LYPD1: variants seen among roughly 807,000 people sequenced by gnomAD.
LYPD1 encodes LY6/PLAUR domain containing 1, also known as ly6/PLAUR domain-containing protein 1.
A neutral mutation model predicts 14.2 loss-of-function variants in LYPD1; 14 were observed. The observed-to-expected ratio is 0.99, with a 90% CI of 0.65 to 1.54. The LOEUF (loss-of-function observed/expected upper bound fraction) is 1.54, where lower values mean the gene tolerates loss of function less well. LYPD1 is among the 40% of genes most tolerant of loss of function. LYPD1 has a pLI of 0.00. For missense variants in LYPD1, 165 were observed against 175.7 expected, an observed-to-expected ratio of 0.94 and a Z score of 0.34; for synonymous variants, 85 against 70.6, an observed-to-expected ratio of 1.20 and a Z score of -1.02.
chr2:132,666,897 G>A (rs1356762039), intron 2 of LYPD1: 5 of 152,136 alleles, frequency 3.3e-5, no homozygotes, highest in East Asian at 1.9e-4. Flanking sequence ...AGTTCTTAAC[G>A]TGTCCACGGC....
chr2:132,647,615 G>C (rs1682173225), intron 2 of LYPD1, among the ~76,000 whole-genome samples: 1 of 152,230 alleles, frequency 6.6e-6, no homozygotes, highest in African/African-American at 2.4e-5. Flanking sequence ...ACAGGCATGA[G>C]CCACTGCGCC....
At chr2:132,648,039 G>GAT in intron 2 of LYPD1, among the ~76,000 whole-genome samples, 2 of 152,312 alleles carry the variant, frequency 1.3e-5, no homozygotes, top group Admixed American at 1.3e-4. Context: ...GCTCTGGTAA[G>GAT]ATAAAGTCGA....
intron 2 of LYPD1, among the ~76,000 whole-genome samples, chr2:132,652,171 A>AT (rs1682384695): frequency 6.6e-6 from 1 of 152,068 alleles, no homozygotes; most frequent in African/African-American, 2.4e-5. Context: ...TCCCTGCATG[A>AT]TTTTTCTCTT....
In LYPD1 at chr2:132,643,956, G is replaced by T. The variant is rs955563793; in HGVS notation, c.*2089C>A. 6.6e-6 allele frequency among the ~76,000 whole-genome samples: 1 copy of T among 152,200 alleles called. No homozygotes were observed. The highest frequency in any genetic ancestry group is 2.4e-5 in the African/African-American group (1 of 41,446). On this transcript the variant is annotated 3_prime_UTR_variant, in exon 3 of 3. Transcript: ENST00000397463. Reference sequence around the variant, plus strand: ...GTTTCTTACTACGATTGAAATGTAGGAGAGGAAGGAAGCATTTCTGAAAAT... The same window carrying T: ...GTTTCTTACTACGATTGAAATGTAGTAGAGGAAGGAAGCATTTCTGAAAAT...
At chr2:132,668,271 T>G (rs1299648817) in intron 2 of LYPD1, 129 bp downstream of exon 2, 3 of 1,220,632 alleles carry the variant, frequency 2.5e-6, no homozygotes, top group African/African-American at 1.5e-5. Flanking sequence ...ACTGTAAAAC[T>G]AAATCTGCGA....
chr2:132,659,212 A>G (rs922837662), intron 2 of LYPD1, among the ~76,000 whole-genome samples: 3 of 152,208 alleles, frequency 2.0e-5, no homozygotes, highest in Admixed American at 1.3e-4. Context: ...TTTCTGCTAT[A>G]ATATTTTGAA....
At chr2:132,655,009 A>G (rs565008993) in intron 2 of LYPD1, among the ~76,000 whole-genome samples, 1 of 152,224 alleles carries the variant, frequency 6.6e-6, no homozygotes, top group Non-Finnish European at 1.5e-5. Context: ...TGGGATTACA[A>G]GCATGAGCCA....
chr2:132,643,702 T>A lies in LYPD1; in HGVS notation c.*2343A>T, dbSNP rs2104881989. Among the ~76,000 whole-genome samples, 1 of 152,306 alleles carries A rather than the reference T, an allele frequency of 6.6e-6. No individual in the cohort carries two copies. The highest frequency in any genetic ancestry group is 2.4e-5 in the African/African-American group (1 of 41,568). ...GCCTGGCTAAGTTTTTCTTTTTTTG[T>A]AGAGATGGGGTCTTGCTATGTTGCC... On this transcript the variant is annotated 3_prime_UTR_variant, in exon 3 of 3. Coordinates refer to ENST00000397463, the MANE Select transcript of LYPD1 (RefSeq NM_144586.7).
chr2:132,656,140 G>A (rs1682583417), intron 2 of LYPD1, among the ~76,000 whole-genome samples: 1 of 152,210 alleles, frequency 6.6e-6, no homozygotes. Flanking sequence ...GTTCTTTTCT[G>A]TGGACCATTA....
chr2:132,670,120 G>T lies in LYPD1; in HGVS notation c.-188C>A. On this transcript the variant is annotated 5_prime_UTR_variant, in exon 1 of 3. Coordinates refer to ENST00000397463, the MANE Select transcript of LYPD1 (RefSeq NM_144586.7). This position sits in a 1 kb window ranked among gnomAD's most constrained non-coding sequence, Gnocchi z 4.5. ...GCGGAGCCTGCATCGCCCGCGCTCG[G>T]GCTCCCGGCTGCGGGTCTCTGCTCC... The T allele has an allele frequency of 2.8e-6, 4 of 1,410,176 alleles. No individual in the cohort carries two copies. The highest frequency in any genetic ancestry group is 3.7e-6 in the Non-Finnish European group (4 of 1,093,462). The allele number at this position is 1,410,176 out of a possible 1,614,324, so 87.4% of individuals were successfully genotyped here.
chr2:132,656,427 A>G (rs953886731), intron 2 of LYPD1, among the ~76,000 whole-genome samples: 1 of 151,886 alleles, frequency 6.6e-6, no homozygotes, highest in African/African-American at 2.4e-5. Flanking sequence ...TTCCTCAAAG[A>G]AAAATGCTTG....
Position 132,670,113 on chromosome 2 carries a change from G to A in LYPD1, c.-181C>T. On this transcript the variant is annotated 5_prime_UTR_variant, in exon 1 of 3. Transcript: ENST00000397463. This position sits in a 1 kb window ranked among gnomAD's most constrained non-coding sequence, Gnocchi z 4.5. ...GCCGCTCGCGGAGCCTGCATCGCCCGCGCTCGGGCTCCCGGCTGCGGGTCT... is the reference window on the plus strand; with the variant it reads ...GCCGCTCGCGGAGCCTGCATCGCCCACGCTCGGGCTCCCGGCTGCGGGTCT... The A allele has an allele frequency of 1.4e-6, 2 of 1,421,258 alleles. No homozygotes were observed. Among genetic ancestry groups the A allele is most frequent in the South Asian group, 1.5e-5 (1 of 67,954 alleles). The allele number at this position is 1,421,258 out of a possible 1,614,324, so 88.0% of individuals were successfully genotyped here. A position where few individuals can be genotyped will look rare whatever the true frequency, so the allele number is the denominator to read the frequency against.
chr2:132,645,490 G>C lies in LYPD1; in HGVS notation c.*555C>G, dbSNP rs1306745973. On this transcript the variant is annotated 3_prime_UTR_variant, in exon 3 of 3. Transcript: ENST00000397463. Reference sequence around the variant, plus strand: ...GATTTTCTTAAGCACTTTTCAGAGCGAGGCCGAGCCCCAGTCTAAGTCCCA... The same window carrying C: ...GATTTTCTTAAGCACTTTTCAGAGCCAGGCCGAGCCCCAGTCTAAGTCCCA... The C allele has an allele frequency of 1.2e-6, 2 of 1,613,740 alleles. No individual in the cohort carries two copies. Among genetic ancestry groups the C allele is most frequent in the Non-Finnish European group, 1.7e-6 (2 of 1,180,046 alleles).
At chr2:132,648,990 CGA>C (rs1368594182) in intron 2 of LYPD1, among the ~76,000 whole-genome samples, 3 of 152,078 alleles carry the variant, frequency 2.0e-5, no homozygotes, top group East Asian at 3.9e-4. Context: ...GAAACTGGCA[CGA>C]GAGATGCTTT....
intron 2 of LYPD1, among the ~76,000 whole-genome samples, chr2:132,648,136 A>C (rs577524810): frequency 3.9e-5 from 6 of 152,176 alleles, no homozygotes; most frequent in African/African-American, 1.4e-4. Context: ...TAGTCTCTAC[A>C]TTTGCCATCC....
At chr2:132,649,865 T>C (rs560906668) in intron 2 of LYPD1, among the ~76,000 whole-genome samples, 9 of 151,796 alleles carry the variant, frequency 5.9e-5, no homozygotes, top group Non-Finnish European at 1.2e-4. Flanking sequence ...AAACGACACT[T>C]TGGAACCTTG....
rs1369680607 is a variant in LYPD1, at chr2:132,669,261, A to C, written c.52+620T>G. ...CCCCGGCTTTCAGGACAACCGTTCG[A>C]CTAGGGTCAGTGGTCGGGGTTCCAG... On this transcript the variant is annotated intron_variant, in intron 1 of 2. Transcript: ENST00000397463. This position sits in a 1 kb window ranked among gnomAD's most constrained non-coding sequence, Gnocchi z 4.3. Among the ~76,000 whole-genome samples the C allele has an allele frequency of 1.3e-5, 2 of 152,060 alleles. No individual in the cohort carries two copies. Among genetic ancestry groups the C allele is most frequent in the African/African-American group, 4.8e-5 (2 of 41,418 alleles).
Position 132,668,458 on chromosome 2 carries a change from C to A in LYPD1, c.132G>T (p.Val44=), listed in dbSNP as rs375505864. ...NNDCSSPEFI[V]NCTVNVQDMC... is the part of the protein sequence containing the mutation. ...TGTCTTGAACGTTCACCGTGCAATTCACAATGAACTCGGGGGAGGAGCAGT... is the reference window on the plus strand; with the variant it reads ...TGTCTTGAACGTTCACCGTGCAATTAACAATGAACTCGGGGGAGGAGCAGT... Residue 44 remains valine (V), a synonymous_variant, in exon 2 of 3, where the codon GTG becomes GTT. Coordinates refer to ENST00000397463, the MANE Select transcript of LYPD1 (RefSeq NM_144586.7). The A allele has an allele frequency of 5.0e-6, 8 of 1,610,970 alleles. No homozygotes were observed. The highest frequency in any genetic ancestry group is 6.8e-6 in the Non-Finnish European group (8 of 1,178,724).
chr2:132,646,382 C>CACAGCCCA, intron 2 of LYPD1, 102 bp from the exon 3 acceptor site: 1 of 706,058 alleles, frequency 1.4e-6, no homozygotes, highest in Admixed American at 4.1e-5. Flanking sequence ...TTACTCCTCC[C>CACAGCCCA]ACAGCCCAGA....
Sources: gnomAD v4.1 joint callset for allele counts (sites outside exome capture counted in the v4.1 genomes callset) on GRCh38, gnomAD v4.1.1 for gene constraint, Gnocchi (gnomAD v3.1) non-coding constraint, MANE v1.5 for transcripts, NCBI Gene and HGNC (gene_info 2026-07-23, HGNC 2026-07-21) for gene names.